RALYL: variants seen among roughly 807,000 people sequenced by gnomAD.
RALYL encodes RNA-binding Raly-like protein.
RALYL carries 29 observed loss-of-function variants against 35.1 expected under a neutral mutation model. The observed-to-expected ratio is 0.83, with a 90% CI of 0.61 to 1.13. RALYL has a LOEUF of 1.13. RALYL is among the 50% of genes most tolerant of loss of function. The probability of loss-of-function intolerance (pLI) is 0.00; values close to 1 mark genes in which losing one functional copy is unlikely to be tolerated. For synonymous variants in RALYL, 120 were observed against 127.6 expected (o/e 0.94, Z 0.40); for missense variants, 359 against 360.4 (o/e 1.00, Z 0.03).
At chr8:84,641,787 G>GT (rs1163855140) in intron 2 of RALYL, among the ~76,000 whole-genome samples, 1 of 74,934 alleles carries the variant, frequency 1.3e-5, no homozygotes, top group South Asian at 4.0e-4. Flanking sequence ...AGTCTTATTT[G>GT]TAAAAAAAAA....
intron 2 of RALYL, among the ~76,000 whole-genome samples, chr8:84,703,300 G>A (rs1336508734): frequency 6.6e-6 from 1 of 152,128 alleles, no homozygotes; most frequent in Non-Finnish European, 1.5e-5. Flanking sequence ...GGCGAGAAAA[G>A]TAACATAAGA....
intron 1 of RALYL, among the ~76,000 whole-genome samples, chr8:84,192,402 T>C (rs1247152431): frequency 6.6e-6 from 1 of 152,218 alleles, no homozygotes; most frequent in Non-Finnish European, 1.5e-5. Flanking sequence ...TGAAGATTTA[T>C]TTTATTTCAC....
chr8:84,406,327 G>A lies in RALYL; in HGVS notation c.-23-122972G>A, dbSNP rs114894285. 1.5e-3 allele frequency among the ~76,000 whole-genome samples: 228 copies of A among 152,084 alleles called. 2 individuals carry two copies. Among genetic ancestry groups the A allele is most frequent in the African/African-American group, 4.5e-3 (186 of 41,512 alleles). On this transcript the variant is annotated intron_variant, in intron 1 of 8. Coordinates refer to ENST00000521268, the MANE Select transcript of RALYL (RefSeq NM_173848.7). ...CTTATTCTCTTTCCAGAGAGATTAT[G>A]AATTTTCAGGATTTAGGAAGTCCAG...
At chr8:84,847,162 T>C (rs1261612209) in intron 4 of RALYL, among the ~76,000 whole-genome samples, 1 of 152,254 alleles carries the variant, frequency 6.6e-6, no homozygotes, top group Non-Finnish European at 1.5e-5. Flanking sequence ...CCTTGGGCTC[T>C]GCCCAGACAG....
chr8:84,390,453 C>T (rs1375407564), intron 1 of RALYL, among the ~76,000 whole-genome samples: 1 of 152,090 alleles, frequency 6.6e-6, no homozygotes, highest in South Asian at 2.1e-4. Context: ...TGGAATTCGG[C>T]TGTGAATCCA....
At chr8:84,899,101 C>T (rs534202586) in intron 8 of RALYL, among the ~76,000 whole-genome samples, 38 of 152,184 alleles carry the variant, frequency 2.5e-4, no homozygotes, top group Non-Finnish European at 1.3e-4. Flanking sequence ...CATGCATTTA[C>T]ATATGCTGTT....
In RALYL at chr8:84,222,561, C is replaced by T. The variant is rs187700033; in HGVS notation, c.-24+38137C>T. 1.3e-3 allele frequency among the ~76,000 whole-genome samples: 193 copies of T among 152,218 alleles called. 1 individual carries two copies. Among genetic ancestry groups the T allele is most frequent in the African/African-American group, 4.5e-3 (189 of 41,550 alleles). On this transcript the variant is annotated intron_variant, in intron 1 of 8. Transcript: ENST00000521268. ...TGATTAAATTAGAGTGGAGAATATG[C>T]AGAATACTTTATCCCACCTTGGGAG...
intron 1 of RALYL, among the ~76,000 whole-genome samples, chr8:84,241,622 G>GA (rs907238965): frequency 7.9e-5 from 12 of 151,872 alleles, no homozygotes; most frequent in Non-Finnish European, 1.5e-4. Context: ...TTAAAAATAT[G>GA]AAAAAACTAG....
rs1169888134 is a variant in RALYL at position 84,614,218 on chromosome 8, A to G, written c.256+84641A>G. Reference sequence around the variant, plus strand: ...GCCTTAGCTGTTGCTGTTGTTATTAATATAAGTACGAGTATCAGTATTACT... The same window carrying G: ...GCCTTAGCTGTTGCTGTTGTTATTAGTATAAGTACGAGTATCAGTATTACT... On this transcript the variant is annotated intron_variant, in intron 2 of 8. Transcript: ENST00000521268. Among the ~76,000 whole-genome samples the G allele has an allele frequency of 2.0e-5, 3 of 151,632 alleles. 1 individual carries two copies. The highest frequency in any genetic ancestry group is 4.9e-5 in the African/African-American group (2 of 41,056).
chr8:84,683,664 T>C (rs959416016), intron 2 of RALYL, among the ~76,000 whole-genome samples: 2 of 152,064 alleles, frequency 1.3e-5, no homozygotes, highest in Non-Finnish European at 2.9e-5. Context: ...GTTTTTTTGT[T>C]TTGTTGTTTT....
intron 1 of RALYL, among the ~76,000 whole-genome samples, chr8:84,366,861 A>G (rs1854412432): frequency 6.6e-6 from 1 of 150,862 alleles, no homozygotes; most frequent in African/African-American, 2.4e-5. Flanking sequence ...CAAACACATG[A>G]TAACAGCTGG....
At chr8:84,385,117 A>G (rs556189378) in intron 1 of RALYL, among the ~76,000 whole-genome samples, 6 of 151,976 alleles carry the variant, frequency 3.9e-5, no homozygotes, top group Middle Eastern at 6.8e-3. Context: ...GATGTGCAGT[A>G]TATTTTCAAG....
At chr8:84,202,023 A>G (rs1294199894) in intron 1 of RALYL, among the ~76,000 whole-genome samples, 1 of 152,142 alleles carries the variant, frequency 6.6e-6, no homozygotes, top group Non-Finnish European at 1.5e-5. Flanking sequence ...TTCCATTGTA[A>G]TAATGTACTT....
At position 84,804,766 on chromosome 8, in the gene RALYL, A is replaced by G; in HGVS notation, c.333-4A>G. On this transcript the variant is annotated splice_polypyrimidine_tract_variant and splice_region_variant and intron_variant, in intron 3 of 8. Transcript: ENST00000521268. ...TAAAAGAAAATTTTCATATTTTTTC[A>G]TAGACTTGAATCAAAGGAACCTTTC... is the stretch of plus-strand genomic sequence containing the variant. 1 of 1,167,992 alleles carries G rather than the reference A, an allele frequency of 8.6e-7. No homozygotes were observed. The highest frequency in any genetic ancestry group is 2.2e-5 in the South Asian group (1 of 45,748). The allele number at this position is 1,167,992 out of a possible 1,614,324, so 72.4% of individuals were successfully genotyped here.
intron 4 of RALYL, among the ~76,000 whole-genome samples, chr8:84,836,338 C>A (rs910119270): frequency 6.6e-6 from 1 of 152,110 alleles, no homozygotes; most frequent in African/African-American, 2.4e-5. Context: ...TTATTTTAAT[C>A]TTTAGAACTT....
chr8:84,543,538 T>C (rs1028204740), intron 2 of RALYL, among the ~76,000 whole-genome samples: 1 of 152,026 alleles, frequency 6.6e-6, no homozygotes, highest in African/African-American at 2.4e-5. Context: ...GGTTTCCTAG[T>C]ATTTTCTAAA....
At chr8:84,728,231 T>G (rs1377710380) in intron 2 of RALYL, among the ~76,000 whole-genome samples, 1 of 152,022 alleles carries the variant, frequency 6.6e-6, no homozygotes, top group Admixed American at 6.5e-5. Flanking sequence ...CCAGTGATGG[T>G]GAGCATTTTT....
At chr8:84,751,453 C>A (rs1809988133) in intron 2 of RALYL, among the ~76,000 whole-genome samples, 1 of 152,140 alleles carries the variant, frequency 6.6e-6, no homozygotes, top group African/African-American at 2.4e-5. Flanking sequence ...GGTGATCCAC[C>A]CACCTTGACC....
chr8:84,566,577 T>G (rs2135695773), intron 2 of RALYL, among the ~76,000 whole-genome samples: 1 of 151,748 alleles, frequency 6.6e-6, no homozygotes, highest in African/African-American at 2.4e-5. Flanking sequence ...TGACTCTGGA[T>G]GTCTGTTCAG....
Sources: allele counts gnomAD v4.1 joint callset (sites outside exome capture counted in the v4.1 genomes callset), GRCh38; gene constraint gnomAD v4.1.1; transcripts MANE v1.5; gene names NCBI Gene and HGNC (gene_info 2026-07-23, HGNC 2026-07-21).